Variants in KSR2 observed in about 807,000 individuals in gnomAD.
The protein encoded by KSR2 is kinase suppressor of ras 2.
A neutral mutation model predicts 107.8 loss-of-function variants in KSR2; 25 were observed. The ratio of observed to expected loss-of-function variants is 0.23; its 90% confidence interval spans 0.17 to 0.32. The LOEUF (loss-of-function observed/expected upper bound fraction) is 0.32, where lower values mean the gene tolerates loss of function less well. Among genes scored for constraint, KSR2 ranks in the 10% least tolerant of loss-of-function variants. The pLI, the probability that KSR2 is intolerant of heterozygous loss-of-function variation, is 1.00. For synonymous variants in KSR2, 480 were observed against 507.0 expected (o/e 0.95, Z 0.71); for missense variants, 887 against 1,268.9 (o/e 0.70, Z 4.57).
chr12:117,510,550 T>C (rs747674169), intron 14 of KSR2, among the ~76,000 whole-genome samples: 5 of 152,162 alleles, frequency 3.3e-5, no homozygotes, highest in Non-Finnish European at 5.9e-5. Flanking sequence ...GTCACCTCCA[T>C]TGAGTCCCTG....
At chr12:117,927,513 G>A (rs577950314) in intron 1 of KSR2, among the ~76,000 whole-genome samples, 5 of 152,128 alleles carry the variant, frequency 3.3e-5, no homozygotes, top group African/African-American at 1.2e-4. Context: ...CCAACATGGT[G>A]AAACCCTGTC....
intron 5 of KSR2, among the ~76,000 whole-genome samples, chr12:117,649,015 C>T (rs1473856552): frequency 6.6e-6 from 1 of 152,192 alleles, no homozygotes; most frequent in Admixed American, 6.5e-5. Flanking sequence ...GATACTTTGT[C>T]CATCTGAACA....
intron 5 of KSR2, among the ~76,000 whole-genome samples, chr12:117,633,920 A>G (rs1882928020): frequency 6.6e-6 from 1 of 152,112 alleles, no homozygotes; most frequent in South Asian, 2.1e-4. Context: ...CCAGGGAAGT[A>G]TGTTTTTCTA....
intron 4 of KSR2, among the ~76,000 whole-genome samples, chr12:117,746,557 G>A (rs971019766): frequency 6.6e-6 from 1 of 152,136 alleles, no homozygotes; most frequent in Admixed American, 6.6e-5. Flanking sequence ...AAATGCAATT[G>A]CAATAAAAGT....
intron 14 of KSR2, among the ~76,000 whole-genome samples, chr12:117,502,691 G>GT (rs779111575): frequency 6.6e-6 from 1 of 152,110 alleles, no homozygotes; most frequent in Non-Finnish European, 1.5e-5. Context: ...CAATAAAGTT[G>GT]TTTTAAAAAA....
chr12:117,574,148 C>G (rs1879097937), intron 7 of KSR2, among the ~76,000 whole-genome samples: 1 of 151,958 alleles, frequency 6.6e-6, no homozygotes, highest in Admixed American at 6.6e-5. Context: ...GAGTCTGCCC[C>G]AGAGGTATTG....
At chr12:117,527,486 C>T (rs1316733888) in intron 12 of KSR2, among the ~76,000 whole-genome samples, 1 of 152,158 alleles carries the variant, frequency 6.6e-6, no homozygotes, top group Non-Finnish European at 1.5e-5. Context: ...CCTAAATGCC[C>T]TGGGTAGATA....
At chr12:117,564,495 TA>T (rs1269244236) in intron 7 of KSR2, among the ~76,000 whole-genome samples, 1 of 142,466 alleles carries the variant, frequency 7.0e-6, no homozygotes, top group Non-Finnish European at 1.6e-5. Flanking sequence ...AGGATTTATT[TA>T]AAACTTTCAT....
intron 3 of KSR2, among the ~76,000 whole-genome samples, chr12:117,794,122 ACT>A (rs1170373782): frequency 4.9e-4 from 61 of 125,188 alleles, no homozygotes; most frequent in Admixed American, 8.2e-4. Context: ...CAACATGCAC[ACT>A]CACACCAACA....
intron 4 of KSR2, among the ~76,000 whole-genome samples, chr12:117,731,900 A>C (rs1887734231): frequency 7.1e-6 from 1 of 140,976 alleles, no homozygotes; most frequent in Non-Finnish European, 1.6e-5. Flanking sequence ...AACACTGCGG[A>C]AGGCCGCAGG....
At chr12:117,520,569 G>A (rs549894605) in intron 14 of KSR2, among the ~76,000 whole-genome samples, 2 of 152,354 alleles carry the variant, frequency 1.3e-5, no homozygotes, top group Non-Finnish European at 2.9e-5. Context: ...TGTCCACCAA[G>A]ATCATCAGCC....
At chr12:117,939,623 A>C (rs1344501181) in intron 1 of KSR2, among the ~76,000 whole-genome samples, 1 of 152,124 alleles carries the variant, frequency 6.6e-6, no homozygotes, top group Non-Finnish European at 1.5e-5. Flanking sequence ...GAGGCAGGAG[A>C]ATCGCTTGAA....
intron 14 of KSR2, among the ~76,000 whole-genome samples, chr12:117,510,863 C>T (rs35336698): frequency 1.7e-3 from 218 of 131,988 alleles, no homozygotes; most frequent in Admixed American, 2.6e-3. Context: ...GGGCAACAGA[C>T]TGAGACCCTG....
At chr12:117,504,169 A>G (rs1030389778) in intron 14 of KSR2, among the ~76,000 whole-genome samples, 7 of 152,198 alleles carry the variant, frequency 4.6e-5, no homozygotes, top group Non-Finnish European at 8.8e-5. Flanking sequence ...CAGAAAATAA[A>G]TGTCCAGAGA....
intron 14 of KSR2, among the ~76,000 whole-genome samples, chr12:117,493,662 C>T (rs551125215): frequency 6.2e-4 from 95 of 152,246 alleles, no homozygotes; most frequent in African/African-American, 1.3e-3. Context: ...GAACTGTCTC[C>T]CCCTCCAGAC....
At chr12:117,946,104 A>G (rs1342990326) in intron 1 of KSR2, among the ~76,000 whole-genome samples, 2 of 152,198 alleles carry the variant, frequency 1.3e-5, no homozygotes, top group Non-Finnish European at 2.9e-5. Flanking sequence ...GGCAATACTT[A>G]CATCAGAAAG....
At chr12:117,785,975 A>G (rs76100125) in intron 3 of KSR2, among the ~76,000 whole-genome samples, 1 of 152,230 alleles carries the variant, frequency 6.6e-6, no homozygotes, top group Non-Finnish European at 1.5e-5. Context: ...AAAGCTCAGC[A>G]AACCCCACAT....
intron 3 of KSR2, among the ~76,000 whole-genome samples, chr12:117,797,516 G>A (rs58139326): frequency 0.023 from 2,949 of 128,284 alleles, 115 homozygotes; most frequent in African/African-American, 0.084. Context: ...TAATGGCTAC[G>A]GGGTTTCTAT....
intron 3 of KSR2, among the ~76,000 whole-genome samples, chr12:117,844,137 A>C (rs1433858493): frequency 1.3e-5 from 2 of 152,048 alleles, no homozygotes; most frequent in Non-Finnish European, 2.9e-5. Context: ...GTGTGTTGTG[A>C]GAAGCTCATG....
Sources: allele counts gnomAD v4.1 joint callset (sites outside exome capture counted in the v4.1 genomes callset), GRCh38; gene constraint gnomAD v4.1.1; transcripts MANE v1.5; gene names NCBI Gene and HGNC (gene_info 2026-07-23, HGNC 2026-07-21).